PACRG: variants seen among roughly 807,000 people sequenced by gnomAD.
The protein encoded by PACRG is parkin coregulated.
A neutral mutation model predicts 29.7 loss-of-function variants in PACRG; 29 were observed. The ratio of observed to expected loss-of-function variants is 0.98; its 90% CI spans 0.73 to 1.33. The LOEUF (loss-of-function observed/expected upper bound fraction) is 1.33. Among genes scored for constraint, PACRG ranks in the 40% most tolerant of loss-of-function variants. The probability of loss-of-function intolerance (pLI) is 0.00; values close to 1 mark genes in which losing one functional copy is unlikely to be tolerated. For missense variants in PACRG, 279 were observed against 316.2 expected (o/e 0.88, Z 0.89); for synonymous variants, 116 against 118.7 (o/e 0.98, Z 0.15).
At position 162,997,149 on chromosome 6, in the gene PACRG, T is replaced by C. The variant is rs974725581; in HGVS notation, c.292-65001T>C. ...GATAAAACTTGACATTAATGTACAG[T>C]AATCCATTTTCTTACTTTTCTTCAG... is the stretch of plus-strand genomic sequence containing the variant. On this transcript the variant is annotated intron_variant, in intron 2 of 4. Transcript: ENST00000366888. Among the ~76,000 whole-genome samples the C allele has an allele frequency of 2.0e-5, 3 of 152,226 alleles. No homozygotes were observed. In the East Asian group the frequency reaches 5.8e-4, roughly 29 times the overall value.
At chr6:162,872,642 C>T (rs1015977443) in intron 2 of PACRG, among the ~76,000 whole-genome samples, 1 of 152,096 alleles carries the variant, frequency 6.6e-6, no homozygotes, top group East Asian at 1.9e-4. Context: ...AAAACGTTCA[C>T]AGGAAAGAAG....
chr6:162,780,873 GA>G (rs1170778892), intron 1 of PACRG, among the ~76,000 whole-genome samples: 3 of 151,764 alleles, frequency 2.0e-5, no homozygotes, highest in Admixed American at 1.3e-4. Flanking sequence ...AAAAAATTAA[GA>G]AAAAAAGAAC....
chr6:162,893,057 G>A (rs562613651), intron 2 of PACRG, among the ~76,000 whole-genome samples: 21 of 152,236 alleles, frequency 1.4e-4, no homozygotes, highest in Admixed American at 3.3e-4. Flanking sequence ...CAGGAGCCTC[G>A]GCCCACACCC....
intron 3 of PACRG, among the ~76,000 whole-genome samples, chr6:163,086,045 G>C (rs1425274381): frequency 6.6e-6 from 1 of 152,198 alleles, no homozygotes; most frequent in Non-Finnish European, 1.5e-5. Context: ...TTAGCTACAG[G>C]TGCTGTGAAT....
intron 4 of PACRG, among the ~76,000 whole-genome samples, chr6:163,255,799 C>G (rs1236252167): frequency 6.6e-6 from 1 of 152,094 alleles, no homozygotes; most frequent in Admixed American, 6.5e-5. Context: ...CCACACCCAG[C>G]TAATTTTTGT....
In PACRG at chr6:163,049,799, C is replaced by T. The variant is rs117367528; in HGVS notation, c.292-12351C>T. Among the ~76,000 whole-genome samples the T allele has an allele frequency of 2.2e-3, 341 of 152,080 alleles. 1 individual carries two copies. Among genetic ancestry groups the T allele is most frequent in the Non-Finnish European group, 3.8e-3 (256 of 67,886 alleles). On this transcript the variant is annotated intron_variant, in intron 2 of 4. Coordinates refer to ENST00000366888, the MANE Select transcript of PACRG (RefSeq NM_001080379.2). Reference sequence around the variant, plus strand: ...TCTGATAGCATTCTCTTTGGACAGACATTAGAAAAACAGGTAGTCATTTAT... The same window carrying T: ...TCTGATAGCATTCTCTTTGGACAGATATTAGAAAAACAGGTAGTCATTTAT...
At chr6:162,843,093 G>A (rs945436258) in intron 2 of PACRG, among the ~76,000 whole-genome samples, 4 of 148,470 alleles carry the variant, frequency 2.7e-5, no homozygotes, top group Admixed American at 6.8e-5. Flanking sequence ...GGCTCTTCTC[G>A]AGGAGTATCT....
chr6:162,946,889 C>T (rs1292084930), intron 2 of PACRG, among the ~76,000 whole-genome samples: 1 of 151,946 alleles, frequency 6.6e-6, no homozygotes, highest in Non-Finnish European at 1.5e-5. Flanking sequence ...ATGATCATCT[C>T]AATAGATGTA....
chr6:163,039,908 T>C (rs923230160), intron 2 of PACRG, among the ~76,000 whole-genome samples: 2 of 152,204 alleles, frequency 1.3e-5, no homozygotes, highest in African/African-American at 4.8e-5. Flanking sequence ...GAACAACCCA[T>C]CTTCTGGTGA....
intron 4 of PACRG, among the ~76,000 whole-genome samples, chr6:163,154,167 A>G (rs917982298): frequency 6.6e-6 from 1 of 152,212 alleles, no homozygotes; most frequent in Non-Finnish European, 1.5e-5. Context: ...GCCCTGGTGC[A>G]GCCTCCTCTG....
chr6:162,983,039 C>T (rs938449187), intron 2 of PACRG, among the ~76,000 whole-genome samples: 5 of 151,932 alleles, frequency 3.3e-5, no homozygotes, highest in Admixed American at 1.3e-4. Flanking sequence ...TGAACGGATC[C>T]TTTTATCATT....
intron 2 of PACRG, among the ~76,000 whole-genome samples, chr6:163,012,073 C>T (rs1283065638): frequency 6.6e-6 from 1 of 152,184 alleles, no homozygotes; most frequent in Admixed American, 6.5e-5. Context: ...AAAAAAGTTC[C>T]ACCCTAACAT....
chr6:162,776,046 GA>G lies in PACRG; in HGVS notation c.157-38093del, dbSNP rs537527493. ...GAAACTTAATATTGACTAAGAATGA[GA>G]AAAAAAATAAGAGCCTGGCAGATAC... On this transcript the variant is annotated intron_variant, in intron 1 of 4. Transcript: ENST00000366888. 1.4e-4 allele frequency among the ~76,000 whole-genome samples: 22 copies of G among 151,798 alleles called. No individual in the cohort carries two copies. In the South Asian group the frequency reaches 4.2e-3, roughly 29 times the overall value.
At chr6:162,962,276 C>G (rs991050452) in intron 2 of PACRG, among the ~76,000 whole-genome samples, 1 of 147,802 alleles carries the variant, frequency 6.8e-6, no homozygotes, top group Non-Finnish European at 1.5e-5. Flanking sequence ...GAGACTATGT[C>G]TTACTCATGC....
At chr6:162,937,897 A>T (rs1480659300) in intron 2 of PACRG, among the ~76,000 whole-genome samples, 20 of 149,318 alleles carry the variant, frequency 1.3e-4, no homozygotes, top group Admixed American at 4.0e-4. Context: ...TCATTTTTTA[A>T]TTTTTTTTTT....
chr6:162,955,063 G>A (rs76492867), intron 2 of PACRG, among the ~76,000 whole-genome samples: 3,356 of 152,190 alleles, frequency 0.022, 130 homozygotes, highest in African/African-American at 0.076. Flanking sequence ...TCATGTTAAC[G>A]TACCTGGGTT....
At chr6:162,762,562 A>T (rs80083017) in intron 1 of PACRG, among the ~76,000 whole-genome samples, 19 of 152,304 alleles carry the variant, frequency 1.2e-4, no homozygotes, top group East Asian at 1.9e-4. Flanking sequence ...CCAGAAGTGT[A>T]TAGGGATTTT....
chr6:162,737,029 G>T (rs772651898), intron 1 of PACRG, among the ~76,000 whole-genome samples: 3 of 152,222 alleles, frequency 2.0e-5, no homozygotes, highest in East Asian at 3.9e-4. Flanking sequence ...GTATTTTACA[G>T]TATTTCCTTG....
intron 2 of PACRG, among the ~76,000 whole-genome samples, chr6:162,887,468 T>C (rs898635537): frequency 6.6e-6 from 1 of 152,184 alleles, no homozygotes; most frequent in African/African-American, 2.4e-5. Flanking sequence ...CTCCCTTGGT[T>C]CATGTGACCA....
Sources: allele counts gnomAD v4.1 joint callset (sites outside exome capture counted in the v4.1 genomes callset), GRCh38; gene constraint gnomAD v4.1.1; transcripts MANE v1.5; gene names NCBI Gene and HGNC (gene_info 2026-07-23, HGNC 2026-07-21).